ANKS1B: variants seen among roughly 807,000 people sequenced by gnomAD.
ANKS1B encodes the protein ankyrin repeat and sterile alpha motif domain-containing protein 1B.
In ANKS1B, 36 loss-of-function variants were observed where a neutral mutation model predicts 148.3. The ratio of observed to expected loss-of-function variants is 0.24; its 90% CI spans 0.19 to 0.32. The LOEUF (loss-of-function observed/expected upper bound fraction) is 0.32. Among genes scored for constraint, ANKS1B ranks in the 10% least tolerant of loss-of-function variants. ANKS1B has a pLI of 1.00. For missense variants in ANKS1B, 1,157 were observed against 1,542.6 expected, an observed-to-expected ratio of 0.75 and a Z score of 4.19; for synonymous variants, 542 against 560.8, an observed-to-expected ratio of 0.97 and a Z score of 0.47.
At chr12:99,778,850 C>T (rs1174948621) in intron 6 of ANKS1B, among the ~76,000 whole-genome samples, 1 of 152,136 alleles carries the variant, frequency 6.6e-6, no homozygotes, top group African/African-American at 2.4e-5. Flanking sequence ...ACTATTGTAT[C>T]TACATGTTCC....
At chr12:98,836,311 C>T (rs2099362653) in intron 17 of ANKS1B, among the ~76,000 whole-genome samples, 1 of 152,134 alleles carries the variant, frequency 6.6e-6, no homozygotes, top group African/African-American at 2.4e-5. Context: ...ATTGTTAAAG[C>T]TACAGGCTAC....
intron 17 of ANKS1B, among the ~76,000 whole-genome samples, chr12:99,012,869 T>C (rs2099940263): frequency 6.6e-6 from 1 of 152,224 alleles, no homozygotes; most frequent in Non-Finnish European, 1.5e-5. Flanking sequence ...TCTAGGATTA[T>C]GAAGATCCTG....
chr12:99,703,018 T>C (rs2082059360), intron 8 of ANKS1B, among the ~76,000 whole-genome samples: 1 of 152,140 alleles, frequency 6.6e-6, no homozygotes, highest in African/African-American at 2.4e-5. Flanking sequence ...GCACCATTTT[T>C]GCAATTTAGA....
At chr12:99,600,590 C>A in intron 9 of ANKS1B, among the ~76,000 whole-genome samples, 1 of 152,000 alleles carries the variant, frequency 6.6e-6, no homozygotes, top group Admixed American at 6.6e-5. Flanking sequence ...ATAGACATGT[C>A]GTTCCAGGCC....
At chr12:99,660,611 C>T (rs1476815927) in intron 8 of ANKS1B, among the ~76,000 whole-genome samples, 1 of 152,082 alleles carries the variant, frequency 6.6e-6, no homozygotes, top group Admixed American at 6.6e-5. Context: ...GATCCACCTG[C>T]CTTGGCCTCC....
chr12:99,667,494 A>G (rs2098515235), intron 8 of ANKS1B, among the ~76,000 whole-genome samples: 1 of 152,104 alleles, frequency 6.6e-6, no homozygotes, highest in African/African-American at 2.4e-5. Flanking sequence ...TCCTATAGAT[A>G]TTTTAGGATT....
At chr12:99,109,648 C>A (rs2059901067) in intron 15 of ANKS1B, among the ~76,000 whole-genome samples, 1 of 152,218 alleles carries the variant, frequency 6.6e-6, no homozygotes, top group Non-Finnish European at 1.5e-5. Context: ...ATTCATTTAT[C>A]CCCACTTTAA....
At chr12:99,666,562 T>TA (rs1315865923) in intron 8 of ANKS1B, among the ~76,000 whole-genome samples, 1 of 152,112 alleles carries the variant, frequency 6.6e-6, no homozygotes, top group Non-Finnish European at 1.5e-5. Flanking sequence ...TTGCACGTAT[T>TA]AGGTTTTCTT....
chr12:98,861,566 T>C lies in ANKS1B; in HGVS notation c.2779-29430A>G, dbSNP rs534303229. Among the ~76,000 whole-genome samples the C allele has an allele frequency of 3.9e-5, 6 of 152,268 alleles. No individual in the cohort carries two copies. In the South Asian group the frequency reaches 1.0e-3, roughly 26 times the overall value. ...AGTTAATGTGATCAATTAACAATGTTTGAAGAAAAATGATGTTTGCCAGCT... is the reference window on the plus strand; with the variant it reads ...AGTTAATGTGATCAATTAACAATGTCTGAAGAAAAATGATGTTTGCCAGCT... On this transcript the variant is annotated intron_variant, in intron 17 of 26. Coordinates refer to ENST00000683438, the MANE Select transcript of ANKS1B (RefSeq NM_001352186.2).
chr12:99,824,455 G>A (rs1235788856), intron 2 of ANKS1B, among the ~76,000 whole-genome samples: 2 of 151,538 alleles, frequency 1.3e-5, no homozygotes, highest in Non-Finnish European at 2.9e-5. Context: ...AGCCACGATT[G>A]TGCCACTGCA....
At chr12:99,144,687 G>T (rs1196601280) in intron 15 of ANKS1B, among the ~76,000 whole-genome samples, 1 of 151,960 alleles carries the variant, frequency 6.6e-6, no homozygotes, top group Non-Finnish European at 1.5e-5. Context: ...GATATAGTAG[G>T]ATGTGGCCTT....
intron 12 of ANKS1B, among the ~76,000 whole-genome samples, chr12:99,273,460 A>C (rs192832824): frequency 3.3e-5 from 5 of 149,918 alleles, no homozygotes; most frequent in Admixed American, 3.3e-4. Flanking sequence ...CTGTTGTATG[A>C]CTCTCTACAA....
intron 14 of ANKS1B, among the ~76,000 whole-genome samples, chr12:99,177,883 T>C (rs1436157260): frequency 6.6e-6 from 1 of 152,222 alleles, no homozygotes; most frequent in Non-Finnish European, 1.5e-5. Flanking sequence ...GCTGTGTCTC[T>C]TCTTGAATAT....
intron 8 of ANKS1B, among the ~76,000 whole-genome samples, chr12:99,707,439 G>T (rs1031760628): frequency 6.6e-6 from 1 of 151,968 alleles, no homozygotes; most frequent in Non-Finnish European, 1.5e-5. Context: ...ATTTTAGAGG[G>T]AAAAGTCATA....
At chr12:99,223,124 G>A (rs1474787781) in intron 14 of ANKS1B, among the ~76,000 whole-genome samples, 1 of 152,146 alleles carries the variant, frequency 6.6e-6, no homozygotes, top group South Asian at 2.1e-4. Context: ...GGTGACATAG[G>A]AAAGGTTAAA....
chr12:99,872,408 T>G (rs547882580), intron 1 of ANKS1B, among the ~76,000 whole-genome samples: 2 of 152,100 alleles, frequency 1.3e-5, no homozygotes, highest in Non-Finnish European at 2.9e-5. Flanking sequence ...TCTGTATGTA[T>G]GATATACTTC....
intron 10 of ANKS1B, among the ~76,000 whole-genome samples, chr12:99,470,244 C>CT (rs1263800415): frequency 1.3e-5 from 2 of 152,094 alleles, no homozygotes; most frequent in Admixed American, 1.3e-4. Context: ...TTATGGTATA[C>CT]TGTATGAGCT....
intron 17 of ANKS1B, among the ~76,000 whole-genome samples, chr12:99,000,686 C>T (rs868261160): frequency 1.3e-5 from 2 of 152,188 alleles, no homozygotes; most frequent in Non-Finnish European, 2.9e-5. Flanking sequence ...ACAGGTTGTA[C>T]AGCAGATCCC....
intron 1 of ANKS1B, among the ~76,000 whole-genome samples, chr12:99,834,472 GTTATA>G (rs2084511931): frequency 6.6e-6 from 1 of 152,110 alleles, no homozygotes; most frequent in African/African-American, 2.4e-5. Flanking sequence ...AATTTCCTTT[GTTATA>G]TTATTTGCAC....
Sources: gnomAD v4.1 joint callset for allele counts (sites outside exome capture counted in the v4.1 genomes callset) on GRCh38, gnomAD v4.1.1 for gene constraint, MANE v1.5 for transcripts, NCBI Gene and HGNC (gene_info 2026-07-23, HGNC 2026-07-21) for gene names.